NAV3: variants seen among roughly 807,000 people sequenced by gnomAD.
NAV3 encodes neuron navigator 3.
A neutral mutation model predicts 244.7 loss-of-function variants in NAV3; 87 were observed. The observed-to-expected ratio is 0.36, with a 90% CI of 0.30 to 0.42. The LOEUF is 0.42. NAV3 is among the 20% of genes least tolerant of loss of function. The pLI, the probability that NAV3 is intolerant of heterozygous loss-of-function variation, is 1.00. For missense variants in NAV3, 2,663 were observed against 2,893.3 expected, an observed-to-expected ratio of 0.92 and a Z score of 1.83; for synonymous variants, 1,126 against 1,042.2, an observed-to-expected ratio of 1.08 and a Z score of -1.55.
At chr12:77,578,125 A>AT (rs1869178899) in intron 2 of NAV3, among the ~76,000 whole-genome samples, 1 of 152,156 alleles carries the variant, frequency 6.6e-6, no homozygotes, top group Admixed American at 6.6e-5. Context: ...TTTGCATATA[A>AT]TTTTTTACAG....
chr12:78,160,667 C>T (rs567433561), intron 23 of NAV3, among the ~76,000 whole-genome samples: 1 of 152,032 alleles, frequency 6.6e-6, no homozygotes, highest in African/African-American at 2.4e-5. Flanking sequence ...ATGAATAGTT[C>T]AATGAAATCA....
intron 1 of NAV3, among the ~76,000 whole-genome samples, chr12:77,906,127 A>G (rs1223438149): frequency 2.0e-5 from 3 of 152,146 alleles, no homozygotes; most frequent in African/African-American, 7.2e-5. Flanking sequence ...TAGGAGCTGA[A>G]TTTGCCGCAA....
At chr12:78,090,956 G>C (rs399860) in intron 12 of NAV3, among the ~76,000 whole-genome samples, 212 of 19,134 alleles carry the variant, frequency 0.011, no homozygotes, top group African/African-American at 0.038. Context: ...GCTGTATTCT[G>C]TGTGTGTGTG....
chr12:77,591,261 C>A (rs1307103033), intron 2 of NAV3, among the ~76,000 whole-genome samples: 1 of 152,176 alleles, frequency 6.6e-6, no homozygotes, highest in African/African-American at 2.4e-5. Context: ...AAATCTGTTA[C>A]TTCTATCTGT....
intron 2 of NAV3, among the ~76,000 whole-genome samples, chr12:77,644,178 C>T (rs1872528328): frequency 6.6e-6 from 1 of 151,982 alleles, no homozygotes; most frequent in South Asian, 2.1e-4. Context: ...TCTTGGGGCT[C>T]CATGAGGTCG....
intron 12 of NAV3, among the ~76,000 whole-genome samples, chr12:78,111,223 C>A (rs1040321237): frequency 1.3e-5 from 2 of 151,954 alleles, no homozygotes; most frequent in Non-Finnish European, 2.9e-5. Flanking sequence ...GCACTATATA[C>A]GTGTAAAATT....
chr12:77,970,761 G>A (rs762023113), intron 5 of NAV3, among the ~76,000 whole-genome samples: 2 of 152,012 alleles, frequency 1.3e-5, no homozygotes, highest in African/African-American at 2.4e-5. Flanking sequence ...ATGACATCGT[G>A]TTTTATGTGT....
chr12:77,971,637 A>T (rs147665031), intron 5 of NAV3, among the ~76,000 whole-genome samples: 4 of 152,228 alleles, frequency 2.6e-5, no homozygotes, highest in African/African-American at 9.6e-5. Flanking sequence ...TAATGCAGAA[A>T]AATTCCTAGT....
intron 2 of NAV3, among the ~76,000 whole-genome samples, chr12:77,670,336 T>C (rs1022748510): frequency 5.3e-5 from 8 of 152,084 alleles, no homozygotes; most frequent in Non-Finnish European, 1.0e-4. Flanking sequence ...CAGAACTAGA[T>C]GGATTTACAG....
At chr12:77,930,820 G>A (rs1338393783) in intron 1 of NAV3, among the ~76,000 whole-genome samples, 1 of 152,110 alleles carries the variant, frequency 6.6e-6, no homozygotes, top group Non-Finnish European at 1.5e-5. Flanking sequence ...TCTAGGCATA[G>A]AATTTGAGAT....
At chr12:77,597,672 CT>C (rs1870233155) in intron 2 of NAV3, among the ~76,000 whole-genome samples, 1 of 151,970 alleles carries the variant, frequency 6.6e-6, no homozygotes, top group East Asian at 1.9e-4. Flanking sequence ...TGCATGCTTT[CT>C]GATATTAAAT....
At chr12:77,835,952 A>G (rs1874549142) in intron 1 of NAV3, among the ~76,000 whole-genome samples, 1 of 152,170 alleles carries the variant, frequency 6.6e-6, no homozygotes, top group African/African-American at 2.4e-5. Flanking sequence ...TAACAAATAA[A>G]TAATACTAGT....
At chr12:77,637,132 A>C (rs929249994) in intron 2 of NAV3, among the ~76,000 whole-genome samples, 2 of 152,128 alleles carry the variant, frequency 1.3e-5, no homozygotes, top group African/African-American at 4.8e-5. Flanking sequence ...CAGAACTTAA[A>C]GTATAATAAA....
At chr12:77,748,404 A>G (rs1457803456) in intron 2 of NAV3, among the ~76,000 whole-genome samples, 2 of 152,200 alleles carry the variant, frequency 1.3e-5, no homozygotes, top group Non-Finnish European at 2.9e-5. Flanking sequence ...AGCTTTCAAG[A>G]TTATGGATAA....
intron 12 of NAV3, among the ~76,000 whole-genome samples, chr12:78,102,076 G>T (rs1399377904): frequency 6.6e-6 from 1 of 152,112 alleles, no homozygotes; most frequent in Non-Finnish European, 1.5e-5. Flanking sequence ...AACATACCCA[G>T]AAGTTTTCAC....
chr12:78,011,078 A>C (rs1387253750), intron 8 of NAV3, among the ~76,000 whole-genome samples: 4 of 152,174 alleles, frequency 2.6e-5, no homozygotes, highest in Admixed American at 2.6e-4. Context: ...TATCAAATAG[A>C]TATAACTAAG....
intron 5 of NAV3, among the ~76,000 whole-genome samples, chr12:77,970,831 A>G (rs1482506695): frequency 6.6e-6 from 1 of 152,120 alleles, no homozygotes; most frequent in Non-Finnish European, 1.5e-5. Flanking sequence ...TGCCAGAAAT[A>G]ATATTTACTA....
intron 11 of NAV3, among the ~76,000 whole-genome samples, chr12:78,053,234 A>T (rs949670770): frequency 2.7e-5 from 4 of 148,358 alleles, no homozygotes; most frequent in African/African-American, 5.0e-5. Flanking sequence ...TATATATATA[A>T]TATATATATG....
chr12:78,131,421 G>A (rs1002914955), intron 18 of NAV3, among the ~76,000 whole-genome samples: 14 of 152,096 alleles, frequency 9.2e-5, no homozygotes, highest in Non-Finnish European at 1.5e-4. Flanking sequence ...TTAAAAAAGC[G>A]AAAAGCCTAA....
Sources: gnomAD v4.1 joint callset for allele counts (sites outside exome capture counted in the v4.1 genomes callset) on GRCh38, gnomAD v4.1.1 for gene constraint, MANE v1.5 for transcripts, NCBI Gene and HGNC (gene_info 2026-07-23, HGNC 2026-07-21) for gene names.